The following OTOF variants were observed in gnomAD, a reference collection of about 807,000 sequenced individuals.
OTOF encodes otoferlin, also known as fer-1-like family member 2.
In OTOF, 218 loss-of-function variants were observed where a neutral mutation model predicts 236.8. That is an observed-to-expected ratio of 0.92 (90% CI 0.82 to 1.03). The LOEUF (loss-of-function observed/expected upper bound fraction) is 1.03, where lower values mean the gene tolerates loss of function less well. Ranked by LOEUF, OTOF falls within the 50% of genes least tolerant of loss-of-function variation. The probability of loss-of-function intolerance (pLI) is 0.00; values close to 1 mark genes in which losing one functional copy is unlikely to be tolerated. For synonymous variants in OTOF, 1,041 were observed against 1,072.5 expected (o/e 0.97, Z 0.57); for missense variants, 2,590 against 2,694.4 (o/e 0.96, Z 0.86).
chr2:26,467,608 A>T (rs1664793907), intron 33 of OTOF, 107 bp from the exon 34 acceptor site: 1 of 1,320,188 alleles, frequency 7.6e-7, no homozygotes, highest in Admixed American at 2.0e-5. Context: ...TAACTCTCGG[A>T]TGTCCATGTG....
intron 2 of OTOF, among the ~76,000 whole-genome samples, chr2:26,537,456 C>T (rs967358531): frequency 3.9e-5 from 6 of 152,194 alleles, no homozygotes; most frequent in African/African-American, 1.2e-4. Context: ...GCAGGGCCGT[C>T]GAGGTGGGCG....
chr2:26,482,175 A>G (rs1327709197), intron 14 of OTOF, among the ~76,000 whole-genome samples: 1 of 152,192 alleles, frequency 6.6e-6, no homozygotes, highest in Non-Finnish European at 1.5e-5. Context: ...AGGTCACACA[A>G]CTACTAGCTG....
chr2:26,498,835 G>A (rs1330446407), intron 8 of OTOF, among the ~76,000 whole-genome samples: 1 of 152,136 alleles, frequency 6.6e-6, no homozygotes, highest in African/African-American at 2.4e-5. Context: ...CTGTCCTTCT[G>A]CAACATCCAT....
At chr2:26,519,176 C>T in intron 3 of OTOF, 67 bp from the exon 4 acceptor site, 1 of 1,083,792 alleles carries the variant, frequency 9.2e-7, no homozygotes. Flanking sequence ...AGACTGACAT[C>T]CCAAGGGCTG....
At chr2:26,481,139 A>G in intron 14 of OTOF, 130 bp from the exon 15 acceptor site, 1 of 685,660 alleles carries the variant, frequency 1.5e-6, no homozygotes, top group Non-Finnish European at 2.6e-6. Context: ...TGTGCCATTC[A>G]GGTGTGGGGC....
At chr2:26,502,470 A>G in intron 6 of OTOF, 44 bp from the exon 7 acceptor site, 6 of 1,593,782 alleles carry the variant, frequency 3.8e-6, no homozygotes, top group Non-Finnish European at 5.1e-6. Context: ...ACTGATGGTG[A>G]GATAGTGACC....
chr2:26,462,112 C>T lies in OTOF; in HGVS notation c.5262G>A (p.Gly1754=). Residue 1754 remains glycine, a synonymous_variant, in exon 42 of 47, where the codon GGG becomes GGA. Coordinates refer to ENST00000272371, the MANE Select transcript of OTOF (RefSeq NM_194248.3). This position sits in a 1 kb window ranked among gnomAD's most constrained non-coding sequence, Gnocchi z 4.7. ...VVLEDDDFFT[G]EKSSDIFVRG... is the part of the protein sequence containing the mutation. ...TCACGAAGATGTCACTGGACTTCTC[C>T]CCTGTGAAGAAGTCGTCGTCCTCCA... 1.2e-6 allele frequency: 2 copies of T among 1,613,996 alleles called. No homozygotes were observed. Among genetic ancestry groups the T allele is most frequent in the Non-Finnish European group, 1.7e-6 (2 of 1,179,994 alleles).
At chr2:26,544,475 G>A (rs1312041367) in intron 1 of OTOF, among the ~76,000 whole-genome samples, 1 of 152,106 alleles carries the variant, frequency 6.6e-6, no homozygotes, top group Non-Finnish European at 1.5e-5. Flanking sequence ...TCAAGGTAAT[G>A]TTTTTGTGAT....
At position 26,480,246 on chromosome 2, in the gene OTOF, G is replaced by T; in HGVS notation, c.1869C>A (p.Asp623Glu). The T allele has an allele frequency of 1.9e-6, 3 of 1,613,062 alleles. No homozygotes were observed. Among genetic ancestry groups the T allele is most frequent in the Non-Finnish European group, 1.7e-6 (2 of 1,179,624 alleles). ...FGAFLEASMI[D>E]RRNGDKPITF... ...TGATGGGCTTGTCTCCGTTTCTCCGGTCGATCATTGAGGCCTCCAGGAAGG... is the reference window on the plus strand; with the variant it reads ...TGATGGGCTTGTCTCCGTTTCTCCGTTCGATCATTGAGGCCTCCAGGAAGG... Residue 623 changes from aspartate (D) to glutamate (E), a missense_variant, in exon 16 of 47, where the codon GAC becomes GAA. This residue lies in a region of OTOF where 1,379 missense variants were observed against 1,341.6 expected (regional missense o/e 1.03). Coordinates refer to ENST00000272371, the MANE Select transcript of OTOF (RefSeq NM_194248.3).
Position 26,484,881 on chromosome 2 carries a change from C to T in OTOF, c.1046-248G>A, listed in dbSNP as rs55838869. 0.063 allele frequency among the ~76,000 whole-genome samples: 9,653 copies of T among 152,284 alleles called. 393 individuals are homozygous for T. Among genetic ancestry groups the T allele is most frequent in the Non-Finnish European group, 0.085 (5,786 of 67,996 alleles). On this transcript the variant is annotated intron_variant, in intron 11 of 46. Coordinates refer to ENST00000272371, the MANE Select transcript of OTOF (RefSeq NM_194248.3). ...CCATGAGTGGTGTGACTTGGAAGCA[C>T]GACAGCCTCCTCCTAATTGGGTTTT...
intron 5 of OTOF, among the ~76,000 whole-genome samples, chr2:26,515,809 G>T (rs1450173966): frequency 6.6e-6 from 1 of 152,204 alleles, no homozygotes; most frequent in Non-Finnish European, 1.5e-5. Flanking sequence ...TGCATTTTCT[G>T]TTTTGTAAAA....
chr2:26,493,627 A>G (rs1027763979), intron 9 of OTOF, among the ~76,000 whole-genome samples: 1 of 152,140 alleles, frequency 6.6e-6, no homozygotes, highest in Non-Finnish European at 1.5e-5. Context: ...AATGCAACAA[A>G]CCACACGGCT....
intron 11 of OTOF, among the ~76,000 whole-genome samples, chr2:26,488,271 T>C (rs932460598): frequency 2.6e-5 from 4 of 152,202 alleles, no homozygotes; most frequent in African/African-American, 9.7e-5. Context: ...CTGCCTACAT[T>C]ACTGTTTTGT....
chr2:26,465,539 G>C (rs908532937), intron 38 of OTOF, 133 bp downstream of exon 38: 81 of 916,636 alleles, frequency 8.8e-5, no homozygotes, highest in Non-Finnish European at 1.2e-4. Flanking sequence ...CCCAGGGACT[G>C]TAGGGGCAGA....
At chr2:26,515,033 CTGTT>C (rs1666487768) in intron 5 of OTOF, among the ~76,000 whole-genome samples, 1 of 152,228 alleles carries the variant, frequency 6.6e-6, no homozygotes, top group South Asian at 2.1e-4. Flanking sequence ...TACAAGAAAC[CTGTT>C]TGTCTGTCAC....
In OTOF at chr2:26,558,482, G is replaced by A. The variant is rs755017310; in HGVS notation, c.79+11C>T. On this transcript the variant is annotated intron_variant, in intron 1 of 46. Coordinates refer to ENST00000272371, the MANE Select transcript of OTOF (RefSeq NM_194248.3). ...AGAGCTGGCGTCCCTCTGAGACAGC[G>A]GCTTCCCTACCTCGGAAAGTCACTT... 2.2e-5 allele frequency: 36 copies of A among 1,612,512 alleles called. No homozygotes were observed. The highest frequency in any genetic ancestry group is 1.2e-4 in the Admixed American group (7 of 59,976).
chr2:26,483,374 C>A (rs1665615502), intron 13 of OTOF, 88 bp downstream of exon 13: 1 of 1,240,776 alleles, frequency 8.1e-7, no homozygotes, highest in Non-Finnish European at 1.2e-6. Context: ...GTCTTACCTG[C>A]CCAGCTGCCC....
At chr2:26,541,751 A>G (rs374131976) in intron 1 of OTOF, among the ~76,000 whole-genome samples, 3 of 152,368 alleles carry the variant, frequency 2.0e-5, no homozygotes, top group African/African-American at 7.2e-5. Context: ...AGATAAAACC[A>G]TTACAAATCC....
intron 9 of OTOF, among the ~76,000 whole-genome samples, chr2:26,491,816 A>G (rs757898518): frequency 1.9e-4 from 29 of 152,248 alleles, no homozygotes; most frequent in Non-Finnish European, 4.1e-4. Flanking sequence ...AGGTGCCCGC[A>G]GATGTGCCAG....
Sources: allele counts gnomAD v4.1 joint callset (sites outside exome capture counted in the v4.1 genomes callset), GRCh38; gene constraint gnomAD v4.1.1; regional missense constraint gnomAD v4.1.1; non-coding constraint Gnocchi (gnomAD v3.1); transcripts MANE v1.5; gene names NCBI Gene and HGNC (gene_info 2026-07-23, HGNC 2026-07-21).